The following ZNF827 variants were observed in gnomAD, a reference collection of about 807,000 sequenced individuals.
ZNF827 encodes zinc finger protein 827.
In ZNF827, 13 loss-of-function variants were observed where a neutral mutation model predicts 102.4. The observed-to-expected ratio is 0.13, with a 90% CI of 0.08 to 0.20. The LOEUF (loss-of-function observed/expected upper bound fraction) is 0.20. ZNF827 is among the 10% of genes least tolerant of loss of function. The probability of loss-of-function intolerance (pLI) is 1.00; values close to 1 mark genes in which losing one functional copy is unlikely to be tolerated. For synonymous variants in ZNF827, 523 were observed against 536.2 expected (o/e 0.98, Z 0.34); for missense variants, 1,103 against 1,344.4 (o/e 0.82, Z 2.81).
chr4:145,894,289 C>T (rs1035285407), intron 2 of ZNF827, among the ~76,000 whole-genome samples: 3 of 151,984 alleles, frequency 2.0e-5, no homozygotes, highest in African/African-American at 7.3e-5. Context: ...ATGAAAACTT[C>T]CTGGAAGCAT....
intron 4 of ZNF827, among the ~76,000 whole-genome samples, chr4:145,879,209 A>G (rs1373661060): frequency 6.6e-6 from 1 of 152,188 alleles, no homozygotes; most frequent in African/African-American, 2.4e-5. Context: ...TGTCCTTTGC[A>G]GCCGAAACCT....
At chr4:145,798,350 T>A (rs900223233) in intron 8 of ZNF827, among the ~76,000 whole-genome samples, 9 of 152,186 alleles carry the variant, frequency 5.9e-5, no homozygotes, top group African/African-American at 1.9e-4. Context: ...TTTCTCTACA[T>A]GTATATGTAT....
rs768911648 is a variant in ZNF827, at chr4:145,902,986, C to T, written c.273G>A (p.Leu91=). 1 of 1,614,166 alleles carries T rather than the reference C, an allele frequency of 6.2e-7. No individual in the cohort carries two copies. The highest frequency in any genetic ancestry group is 8.5e-7 in the Non-Finnish European group (1 of 1,180,026). ...GATCTTGACACTGCAGTGAGTCTCGCAGGACCTCACTGTCCAGTGCCACCA... is the reference window on the plus strand; with the variant it reads ...GATCTTGACACTGCAGTGAGTCTCGTAGGACCTCACTGTCCAGTGCCACCA... The part of the protein sequence containing the change: ...LELVALDSEV[L]RDSLQCQDHL... The change falls in exon 2 of 15, where the codon CTG becomes CTA. Residue 91 remains leucine (L), a synonymous_variant. Coordinates refer to ENST00000508784, the MANE Select transcript of ZNF827 (RefSeq NM_001306215.2). The surrounding 1 kb of genome is among the most constrained non-coding windows in gnomAD (Gnocchi z 4.3).
chr4:145,843,329 C>G (rs927552745), intron 7 of ZNF827, among the ~76,000 whole-genome samples: 47 of 152,220 alleles, frequency 3.1e-4, no homozygotes, highest in African/African-American at 1.1e-3. Context: ...CAGGAAGAAC[C>G]TCTTCCTTTG....
At chr4:145,768,916 T>TATATATATAAAAAA (rs34051922) in intron 11 of ZNF827, among the ~76,000 whole-genome samples, 1 of 34,416 alleles carries the variant, frequency 2.9e-5, no homozygotes, top group Non-Finnish European at 5.2e-5. Flanking sequence ...TATATATATA[T>TATATATATAAAAAA]TAGGTATACA....
At chr4:145,824,774 G>A (rs935689212) in intron 7 of ZNF827, among the ~76,000 whole-genome samples, 2 of 152,174 alleles carry the variant, frequency 1.3e-5, no homozygotes, top group East Asian at 3.8e-4. Context: ...AACAGACCAA[G>A]CCTAGGACTC....
intron 8 of ZNF827, among the ~76,000 whole-genome samples, chr4:145,807,914 CAGTTGGGAGAT>C (rs1741637832): frequency 6.6e-6 from 1 of 151,390 alleles, no homozygotes; most frequent in South Asian, 2.1e-4. Context: ...ATAAAAGTAA[CAGTTGGGAGAT>C]AGACCAGAGT....
chr4:145,767,090 T>A (rs940941176), intron 11 of ZNF827, among the ~76,000 whole-genome samples: 3 of 152,182 alleles, frequency 2.0e-5, no homozygotes, highest in African/African-American at 7.2e-5. Flanking sequence ...TTGAGAATAA[T>A]CAACCAATCA....
In ZNF827 at chr4:145,761,228, A is replaced by G; in HGVS notation, c.*388T>C. 3.1e-6 allele frequency: 4 copies of G among 1,289,808 alleles called. No individual in the cohort carries two copies. Among genetic ancestry groups the G allele is most frequent in the Non-Finnish European group, 3.0e-6 (3 of 988,852 alleles). 79.9% of individuals were successfully genotyped at this position (1,289,808 alleles called of 1,614,324 possible). A position where few individuals can be genotyped will look rare whatever the true frequency, so the allele number is the denominator to read the frequency against. On this transcript the variant is annotated 3_prime_UTR_variant, in exon 15 of 15. Transcript: ENST00000508784. This position sits in a 1 kb window ranked among gnomAD's most constrained non-coding sequence, Gnocchi z 6.8. ...TTCTTGACGTGGCGGCTGAAGACGA[A>G]AGGGTGTGTGGTCTTGAACAGGCAC...
At chr4:145,834,994 C>T (rs1014957821) in intron 7 of ZNF827, 7 of 152,214 alleles carry the variant, frequency 4.6e-5, no homozygotes, top group African/African-American at 1.7e-4. Context: ...TCCTCCAGAA[C>T]CTCCTCCCAC....
At chr4:145,770,563 ATAT>A (rs1388217685) in intron 11 of ZNF827, among the ~76,000 whole-genome samples, 2 of 151,628 alleles carry the variant, frequency 1.3e-5, no homozygotes, top group African/African-American at 2.4e-5. Flanking sequence ...ATTATAGAAA[ATAT>A]TATTATTCTA....
chr4:145,863,268 G>A (rs1388651668), intron 5 of ZNF827, among the ~76,000 whole-genome samples: 1 of 152,168 alleles, frequency 6.6e-6, no homozygotes, highest in Non-Finnish European at 1.5e-5. Context: ...CAAGGATGTG[G>A]AGAAATTGAG....
At chr4:145,856,993 A>G (rs1214852924) in intron 5 of ZNF827, among the ~76,000 whole-genome samples, 1 of 152,074 alleles carries the variant, frequency 6.6e-6, no homozygotes, top group African/African-American at 2.4e-5. Flanking sequence ...ACGCACACAC[A>G]CACACACACA....
chr4:145,853,608 A>C (rs1481716033), intron 5 of ZNF827, among the ~76,000 whole-genome samples: 1 of 151,908 alleles, frequency 6.6e-6, no homozygotes, highest in East Asian at 1.9e-4. Flanking sequence ...AACAACCCAC[A>C]AAAAAACAAA....
At chr4:145,774,382 C>T in intron 11 of ZNF827, 124 bp downstream of exon 11, 1 of 1,096,106 alleles carries the variant, frequency 9.1e-7, no homozygotes, top group South Asian at 1.6e-5. Flanking sequence ...TGGGAAAGTC[C>T]TTCCTTCCAT....
At chr4:145,856,735 T>C (rs1747157780) in intron 5 of ZNF827, among the ~76,000 whole-genome samples, 1 of 126,392 alleles carries the variant, frequency 7.9e-6, no homozygotes, top group African/African-American at 3.0e-5. Context: ...CCCATTTCAC[T>C]CAGAATAGTG....
At chr4:145,827,211 C>T (rs1251457370) in intron 7 of ZNF827, among the ~76,000 whole-genome samples, 1 of 152,204 alleles carries the variant, frequency 6.6e-6, no homozygotes, top group African/African-American at 2.4e-5. Flanking sequence ...TCCCGCTCAG[C>T]TACACTGCCT....
intron 4 of ZNF827, among the ~76,000 whole-genome samples, chr4:145,876,040 G>A (rs559318788): frequency 1.2e-4 from 19 of 152,320 alleles, no homozygotes; most frequent in Admixed American, 9.8e-4. Flanking sequence ...AGTAGCCCTT[G>A]TAATGCAGTT....
intron 11 of ZNF827, among the ~76,000 whole-genome samples, chr4:145,773,980 C>G (rs1193107118): frequency 6.6e-6 from 1 of 152,126 alleles, no homozygotes; most frequent in African/African-American, 2.4e-5. Context: ...GAAAACTGTT[C>G]TGGGCTGAGT....
Sources: gnomAD v4.1 joint callset for allele counts (sites outside exome capture counted in the v4.1 genomes callset) on GRCh38, gnomAD v4.1.1 for gene constraint, Gnocchi (gnomAD v3.1) non-coding constraint, MANE v1.5 for transcripts, NCBI Gene and HGNC (gene_info 2026-07-23, HGNC 2026-07-21) for gene names.